Variants in DHRSX observed in about 807,000 individuals in gnomAD.
DHRSX encodes the protein polyprenol dehydrogenase.
A neutral mutation model predicts 34.0 loss-of-function variants in DHRSX; 31 were observed. That is an observed-to-expected ratio of 0.91 (90% confidence interval 0.69 to 1.23). DHRSX has a LOEUF of 1.23. DHRSX is among the 50% of genes most tolerant of loss of function. The probability of loss-of-function intolerance (pLI) is 0.00; values close to 1 mark genes in which losing one functional copy is unlikely to be tolerated. For missense variants in DHRSX, 414 were observed against 428.1 expected (o/e 0.97, Z 0.29); for synonymous variants, 201 against 183.8 (o/e 1.09, Z -0.76).
At chrX:2,464,930 A>C (rs930763808) in intron 1 of DHRSX, among the ~76,000 whole-genome samples, 6 of 151,586 alleles carry the variant, frequency 4.0e-5, no homozygotes, top group African/African-American at 1.5e-4. Flanking sequence ...ACCATAGGCC[A>C]ACAGACTGCC....
intron 3 of DHRSX, among the ~76,000 whole-genome samples, chrX:2,345,440 T>C (rs2042693586): frequency 6.6e-6 from 1 of 151,652 alleles, no homozygotes; most frequent in African/African-American, 2.4e-5. Context: ...GTCAGGAGTT[T>C]GAGATCAGCC....
At chrX:2,325,131 C>G (rs1215035766) in intron 3 of DHRSX, among the ~76,000 whole-genome samples, 6 of 152,030 alleles carry the variant, frequency 3.9e-5, no homozygotes, top group African/African-American at 1.4e-4. Context: ...AACAGCCTGT[C>G]AAGTCGAGCT....
intron 1 of DHRSX, among the ~76,000 whole-genome samples, chrX:2,474,173 C>T (rs111489558): frequency 6.6e-6 from 1 of 151,960 alleles, no homozygotes; most frequent in Admixed American, 6.5e-5. Flanking sequence ...GCCAAGGGAT[C>T]GCCACCGTGT....
At chrX:2,322,124 C>T (rs2042319036) in intron 3 of DHRSX, among the ~76,000 whole-genome samples, 1 of 146,292 alleles carries the variant, frequency 6.8e-6, no homozygotes, top group Non-Finnish European at 1.5e-5. Context: ...CACCCCCCTC[C>T]CACTCTTCCC....
At chrX:2,434,782 A>G (rs984726813) in intron 1 of DHRSX, among the ~76,000 whole-genome samples, 2 of 152,226 alleles carry the variant, frequency 1.3e-5, no homozygotes, top group African/African-American at 4.8e-5. Flanking sequence ...GATATACGAG[A>G]AAACCATTCA....
intron 2 of DHRSX, among the ~76,000 whole-genome samples, chrX:2,410,357 G>A (rs987449350): frequency 2.6e-5 from 4 of 152,138 alleles, no homozygotes; most frequent in African/African-American, 4.8e-5. Flanking sequence ...GAACAAGAAC[G>A]TCTTGGGTGC....
At chrX:2,248,817 C>A (rs1244172262) in intron 5 of DHRSX, among the ~76,000 whole-genome samples, 1 of 152,030 alleles carries the variant, frequency 6.6e-6, no homozygotes, top group Non-Finnish European at 1.5e-5. Context: ...AGACCGTCAG[C>A]CTTAGATCAC....
At chrX:2,382,641 A>C (rs2043219038) in intron 3 of DHRSX, among the ~76,000 whole-genome samples, 1 of 142,604 alleles carries the variant, frequency 7.0e-6, no homozygotes, top group African/African-American at 2.6e-5. Context: ...CATCATCACC[A>C]TCACCATCAT....
intron 3 of DHRSX, among the ~76,000 whole-genome samples, chrX:2,379,683 C>T (rs977989158): frequency 1.4e-5 from 2 of 145,348 alleles, no homozygotes; most frequent in African/African-American, 5.1e-5. Context: ...CAGGAGAGCT[C>T]ATGAAGGACC....
chrX:2,341,890 T>C (rs73189662), intron 3 of DHRSX, among the ~76,000 whole-genome samples: 43,899 of 151,938 alleles, frequency 0.29, 7,863 homozygotes, highest in African/African-American at 0.5. Context: ...CCGCAACCTC[T>C]ACCTCCTGGG....
intron 3 of DHRSX, among the ~76,000 whole-genome samples, chrX:2,312,374 C>G (rs1200009536): frequency 6.6e-6 from 1 of 152,070 alleles, no homozygotes; most frequent in East Asian, 1.9e-4. Flanking sequence ...CACGTAGACA[C>G]CATGGAATAC....
chrX:2,437,690 AGAGAGAGAGT>A (rs1188417967), intron 1 of DHRSX, among the ~76,000 whole-genome samples: 29 of 75,322 alleles, frequency 3.9e-4, no homozygotes, highest in South Asian at 1.1e-3. Flanking sequence ...AGAGAGAGAG[AGAGAGAGAGT>A]GTGTGTGTGT....
chrX:2,291,896 A>ATTTTTT (rs928376249), intron 3 of DHRSX, among the ~76,000 whole-genome samples: 4 of 96,102 alleles, frequency 4.2e-5, no homozygotes, highest in Non-Finnish European at 6.3e-5. Flanking sequence ...GTATTTTTGT[A>ATTTTTT]TTTTTTTTTT....
intron 1 of DHRSX, among the ~76,000 whole-genome samples, chrX:2,473,179 T>C (rs1399165067): frequency 6.6e-6 from 1 of 152,114 alleles, no homozygotes; most frequent in Non-Finnish European, 1.5e-5. Flanking sequence ...GACAGGACTG[T>C]TACAGGGACA....
intron 2 of DHRSX, among the ~76,000 whole-genome samples, chrX:2,422,813 C>G (rs2043797189): frequency 6.6e-6 from 1 of 151,776 alleles, no homozygotes; most frequent in African/African-American, 2.4e-5. Context: ...GAGACTGAGT[C>G]TCGCTCTGTC....
rs1249266718 is a variant in DHRSX, at chrX:2,265,600, A to T, written c.596+1140T>A. Among the ~76,000 whole-genome samples the T allele has an allele frequency of 1.1e-3, 100 of 91,232 alleles. 1 individual carries two copies. The highest frequency in any genetic ancestry group is 3.8e-3 in the African/African-American group (93 of 24,432). 59.9% of individuals were successfully genotyped at this position (91,232 alleles called of 152,430 possible). On this transcript the variant is annotated intron_variant, in intron 5 of 6. Coordinates refer to ENST00000334651, the MANE Select transcript of DHRSX (RefSeq NM_145177.3). ...AGCACTGTCCCCAGAGCACCAGTGT[A>T]CAGCAGACGCAGGGAGCACTGTACC...
chrX:2,225,567 C>A (rs185983997), intron 6 of DHRSX, among the ~76,000 whole-genome samples: 70 of 152,306 alleles, frequency 4.6e-4, no homozygotes, highest in African/African-American at 1.6e-3. Flanking sequence ...GCCCTGCCCA[C>A]ACCTTGATCT....
At chrX:2,348,360 C>T (rs770304341) in intron 3 of DHRSX, among the ~76,000 whole-genome samples, 37 of 152,254 alleles carry the variant, frequency 2.4e-4, no homozygotes, top group Non-Finnish European at 5.1e-4. Flanking sequence ...TGGGGTCAGT[C>T]GCTTGCAGCC....
intron 3 of DHRSX, among the ~76,000 whole-genome samples, chrX:2,393,914 C>A (rs1365971800): frequency 6.6e-6 from 1 of 151,574 alleles, no homozygotes; most frequent in Non-Finnish European, 1.5e-5. Flanking sequence ...GCACACACGA[C>A]ACACAGTGAC....
Sources: allele counts gnomAD v4.1 joint callset (sites outside exome capture counted in the v4.1 genomes callset), GRCh38; gene constraint gnomAD v4.1.1; transcripts MANE v1.5; gene names NCBI Gene and HGNC (gene_info 2026-07-23, HGNC 2026-07-21).